The following RALYL variants were observed in gnomAD, a reference collection of about 807,000 sequenced individuals.
The protein encoded by RALYL is RNA-binding Raly-like protein.
RALYL carries 29 observed loss-of-function variants against 35.1 expected under a neutral mutation model. That is an observed-to-expected ratio of 0.83 (90% CI 0.61 to 1.13). The LOEUF is 1.13. Ranked by LOEUF, RALYL falls within the 50% of genes most tolerant of loss-of-function variation. The pLI is 0.00. For synonymous variants in RALYL, 120 were observed against 127.6 expected (o/e 0.94, Z 0.40); for missense variants, 359 against 360.4 (o/e 1.00, Z 0.03).
chr8:84,756,886 T>A (rs1811551606), intron 2 of RALYL, among the ~76,000 whole-genome samples: 1 of 152,112 alleles, frequency 6.6e-6, no homozygotes, highest in African/African-American at 2.4e-5. Context: ...ATTACTCTTC[T>A]CATTTTAAAA....
Position 84,272,845 on chromosome 8 carries a change from A to G in RALYL, c.-24+88421A>G, listed in dbSNP as rs564477442. Among the ~76,000 whole-genome samples, 27 of 152,290 alleles carry G rather than the reference A, an allele frequency of 1.8e-4. No homozygotes were observed. In the South Asian group the frequency reaches 1.9e-3, roughly 11 times the overall value. ...TGACATTTTCTGGAACCAGGATACAATAGGATGGTTTCTTCATTCCACAGC... is the reference window on the plus strand; with the variant it reads ...TGACATTTTCTGGAACCAGGATACAGTAGGATGGTTTCTTCATTCCACAGC... On this transcript the variant is annotated intron_variant, in intron 1 of 8. Coordinates refer to ENST00000521268, the MANE Select transcript of RALYL (RefSeq NM_173848.7).
chr8:84,653,629 A>G (rs1158172150), intron 2 of RALYL, among the ~76,000 whole-genome samples: 1 of 151,900 alleles, frequency 6.6e-6, no homozygotes, highest in African/African-American at 2.4e-5. Flanking sequence ...TTAAATTTAA[A>G]CAGCAAAAGC....
chr8:84,744,560 A>G (rs1168548739), intron 2 of RALYL, among the ~76,000 whole-genome samples: 1 of 152,002 alleles, frequency 6.6e-6, no homozygotes, highest in Non-Finnish European at 1.5e-5. Context: ...ATTTAATTAT[A>G]CAGTAGTCTC....
intron 1 of RALYL, among the ~76,000 whole-genome samples, chr8:84,270,318 T>C (rs1416793326): frequency 6.6e-6 from 1 of 152,160 alleles, no homozygotes; most frequent in African/African-American, 2.4e-5. Context: ...CATTATAAGA[T>C]ACAAGCTTCA....
intron 1 of RALYL, among the ~76,000 whole-genome samples, chr8:84,196,496 T>G (rs1302715278): frequency 1.3e-5 from 2 of 152,268 alleles, no homozygotes; most frequent in African/African-American, 4.8e-5. Flanking sequence ...GTATCAAAAA[T>G]TATTTTAACA....
intron 1 of RALYL, among the ~76,000 whole-genome samples, chr8:84,392,061 A>C (rs952362958): frequency 1.3e-5 from 2 of 152,096 alleles, no homozygotes; most frequent in Non-Finnish European, 2.9e-5. Flanking sequence ...GCAAGAACGC[A>C]CTTAAAAGTG....
intron 1 of RALYL, among the ~76,000 whole-genome samples, chr8:84,513,223 C>T (rs959292127): frequency 1.9e-4 from 29 of 152,076 alleles, no homozygotes; most frequent in African/African-American, 7.0e-4. Flanking sequence ...CCTTGTAGAA[C>T]TCTTTTACCT....
At chr8:84,746,530 C>T (rs1380067209) in intron 2 of RALYL, among the ~76,000 whole-genome samples, 1 of 151,884 alleles carries the variant, frequency 6.6e-6, no homozygotes, top group Non-Finnish European at 1.5e-5. Flanking sequence ...CAGTCATGGT[C>T]CATGAAGAGA....
intron 1 of RALYL, among the ~76,000 whole-genome samples, chr8:84,262,465 A>G (rs1280113497): frequency 1.3e-5 from 2 of 152,120 alleles, no homozygotes; most frequent in East Asian, 3.9e-4. Flanking sequence ...TAAAATTCTA[A>G]TCTGTTGAGC....
chr8:84,378,782 CT>C, intron 1 of RALYL, among the ~76,000 whole-genome samples: 1 of 151,914 alleles, frequency 6.6e-6, no homozygotes, highest in East Asian at 2.0e-4. Context: ...AATAAAGCCC[CT>C]CTTTTCCCTG....
chr8:84,572,219 T>C (rs78816599), intron 2 of RALYL, among the ~76,000 whole-genome samples: 2,001 of 144,176 alleles, frequency 0.014, 40 homozygotes, highest in African/African-American at 0.048. Flanking sequence ...TTTTTGTTTT[T>C]GTTGTTTGTT....
At chr8:84,744,927 T>C (rs1808257567) in intron 2 of RALYL, among the ~76,000 whole-genome samples, 1 of 151,980 alleles carries the variant, frequency 6.6e-6, no homozygotes, top group Non-Finnish European at 1.5e-5. Context: ...TGATATACTA[T>C]TGAATAATTT....
intron 1 of RALYL, among the ~76,000 whole-genome samples, chr8:84,521,383 G>A (rs2058446711): frequency 6.6e-6 from 1 of 152,218 alleles, no homozygotes; most frequent in Admixed American, 6.5e-5. Flanking sequence ...TTTAAAAATG[G>A]TAATCTGAAC....
At chr8:84,906,994 T>A in intron 8 of RALYL, 2 of 984,594 alleles carry the variant, frequency 2.0e-6, no homozygotes, top group African/African-American at 3.5e-5. Flanking sequence ...TGAGATGAAA[T>A]GAAAGTTCAG....
At chr8:84,625,858 T>C (rs1469099562) in intron 2 of RALYL, among the ~76,000 whole-genome samples, 2 of 152,132 alleles carry the variant, frequency 1.3e-5, no homozygotes, top group African/African-American at 2.4e-5. Flanking sequence ...AGGGGCTCCC[T>C]TGATGGGGTT....
At chr8:84,737,340 C>T (rs928546921) in intron 2 of RALYL, among the ~76,000 whole-genome samples, 2 of 151,882 alleles carry the variant, frequency 1.3e-5, no homozygotes, top group Admixed American at 6.6e-5. Flanking sequence ...ATTATATTGA[C>T]CTTTATGCAA....
intron 1 of RALYL, among the ~76,000 whole-genome samples, chr8:84,343,289 A>G (rs1252172745): frequency 6.6e-6 from 1 of 152,096 alleles, no homozygotes; most frequent in Non-Finnish European, 1.5e-5. Flanking sequence ...GCAGACCTTC[A>G]GAAATGCAGA....
chr8:84,485,748 T>C (rs994491405), intron 1 of RALYL, among the ~76,000 whole-genome samples: 1 of 152,156 alleles, frequency 6.6e-6, no homozygotes, highest in Admixed American at 6.6e-5. Flanking sequence ...CTTTGGAAAT[T>C]AATGAGTTTA....
chr8:84,302,403 C>T (rs757156373), intron 1 of RALYL, among the ~76,000 whole-genome samples: 1 of 152,170 alleles, frequency 6.6e-6, no homozygotes. Flanking sequence ...TTCCTGCTCA[C>T]GTCCCTCTTT....
Sources: gnomAD v4.1 joint callset for allele counts (sites outside exome capture counted in the v4.1 genomes callset) on GRCh38, gnomAD v4.1.1 for gene constraint, MANE v1.5 for transcripts, NCBI Gene and HGNC (gene_info 2026-07-23, HGNC 2026-07-21) for gene names.